ZKSCAN4: variants seen among roughly 807,000 people sequenced by gnomAD.
ZKSCAN4 encodes zinc finger protein with KRAB and SCAN domains 4.
ZKSCAN4 carries 23 observed loss-of-function variants against 30.8 expected under a neutral mutation model. The ratio of observed to expected loss-of-function variants is 0.75; its 90% CI spans 0.54 to 1.06. The LOEUF (loss-of-function observed/expected upper bound fraction) is 1.06. Among genes scored for constraint, ZKSCAN4 ranks in the 50% least tolerant of loss-of-function variants. ZKSCAN4 has a pLI of 0.00. For synonymous variants in ZKSCAN4, 208 were observed against 252.5 expected (o/e 0.82, Z 1.67); for missense variants, 556 against 665.4 (o/e 0.84, Z 1.81).
chr6:28,251,514 G>T lies in ZKSCAN4; in HGVS notation c.423+44C>A, dbSNP rs748279747. 1.2e-5 allele frequency: 19 copies of T among 1,614,028 alleles called. No individual in the cohort carries two copies. The East Asian group carries it at 3.8e-4, about 32-fold the overall frequency. ...CTCGCTCCGATCTGGGATTTCAGGAGGAAACAGACCACAGCGCTCAGATAC... is the reference window on the plus strand; with the variant it reads ...CTCGCTCCGATCTGGGATTTCAGGATGAAACAGACCACAGCGCTCAGATAC... On this transcript the variant is annotated intron_variant, in intron 1 of 4. Transcript: ENST00000377294. This position sits in a 1 kb window ranked among gnomAD's most constrained non-coding sequence, Gnocchi z 4.5.
upstream of ZKSCAN4, among the ~76,000 whole-genome samples, chr6:28,253,166 G>C (rs1761079892): frequency 6.6e-6 from 1 of 152,206 alleles, no homozygotes; most frequent in Non-Finnish European, 1.5e-5. The surrounding 1 kb of genome is among the most constrained non-coding windows in gnomAD (Gnocchi z 4.2). Flanking sequence ...TCCTATAATA[G>C]AAGAAAGCCC....
At chr6:28,254,056 A>T (rs1761107312), upstream of ZKSCAN4, among the ~76,000 whole-genome samples, 1 of 152,240 alleles carries the variant, frequency 6.6e-6, no homozygotes, top group South Asian at 2.1e-4. Flanking sequence ...GACATTCTAT[A>T]GAACAGAATG....
chr6:28,255,486 C>A (rs1761149659), upstream of ZKSCAN4, among the ~76,000 whole-genome samples: 2 of 152,182 alleles, frequency 1.3e-5, no homozygotes, highest in South Asian at 4.1e-4. Flanking sequence ...ATTTCTTTAA[C>A]CTTGTCATAA....
Position 28,243,613 on chromosome 6 carries a change from A to G in ZKSCAN4, c.*1503T>C, listed in dbSNP as rs1466168366. 6.6e-6 allele frequency among the ~76,000 whole-genome samples: 1 copy of G among 151,970 alleles called. No individual in the cohort carries two copies. Among genetic ancestry groups the G allele is most frequent in the Non-Finnish European group, 1.5e-5 (1 of 67,988 alleles). On this transcript the variant is annotated 3_prime_UTR_variant, in exon 5 of 5. Coordinates refer to ENST00000377294, the MANE Select transcript of ZKSCAN4 (RefSeq NM_019110.5). Reference sequence around the variant, plus strand: ...CTTTGGATATTGTACAATCTTTTTCATCAGATACCTAGGATTCCCAATGTG... The same window carrying G: ...CTTTGGATATTGTACAATCTTTTTCGTCAGATACCTAGGATTCCCAATGTG...
the ZKSCAN4 span, among the ~76,000 whole-genome samples, chr6:28,257,731 C>T: frequency 6.6e-6 from 1 of 152,126 alleles, no homozygotes; most frequent in Admixed American, 6.5e-5. Context: ...AAAAGGATTG[C>T]CAGCCCCTAG....
rs893353380 is a variant in ZKSCAN4, at chr6:28,251,138, G to C, written c.423+420C>G. 2.6e-5 allele frequency among the ~76,000 whole-genome samples: 4 copies of C among 152,124 alleles called. No individual in the cohort carries two copies. Among genetic ancestry groups the C allele is most frequent in the Non-Finnish European group, 5.9e-5 (4 of 68,020 alleles). On this transcript the variant is annotated intron_variant, in intron 1 of 4. Transcript: ENST00000377294. This position sits in a 1 kb window ranked among gnomAD's most constrained non-coding sequence, Gnocchi z 4.5. ...TGAATGGAAGCAACAAATCAAGGTA[G>C]CATAAGCAGTACCCAGGACTTTGTC...
chr6:28,257,554 TA>T, the ZKSCAN4 span, among the ~76,000 whole-genome samples: 12 of 151,132 alleles, frequency 7.9e-5, no homozygotes, highest in Admixed American at 5.3e-4. Flanking sequence ...TAATAAAAAT[TA>T]AAAAAAAACA....
At chr6:28,246,442 A>G (rs1760736720) in intron 4 of ZKSCAN4, among the ~76,000 whole-genome samples, 1 of 152,144 alleles carries the variant, frequency 6.6e-6, no homozygotes, top group Non-Finnish European at 1.5e-5. Flanking sequence ...GCCCAGGCAG[A>G]GGCAAAGTTC....
chr6:28,259,201 ACG>A, the ZKSCAN4 span: 1 of 572,306 alleles, frequency 1.7e-6, no homozygotes, highest in Admixed American at 3.2e-5. Flanking sequence ...AGAAGCCTTC[ACG>A]CAGCCAAGGC....
chr6:28,246,872 A>G, intron 4 of ZKSCAN4, 97 bp downstream of exon 4: 1 of 1,399,422 alleles, frequency 7.1e-7, no homozygotes, highest in South Asian at 1.6e-5. Flanking sequence ...TCTGAATCCA[A>G]ACATAATGGG....
upstream of ZKSCAN4, among the ~76,000 whole-genome samples, chr6:28,255,634 A>G (rs1242172679): frequency 6.6e-6 from 1 of 152,120 alleles, no homozygotes; most frequent in African/African-American, 2.4e-5. Context: ...TTCTCTGAAA[A>G]CTGGCCAAAT....
Position 28,245,434 on chromosome 6 carries a change from G to T in ZKSCAN4, c.1320C>A (p.Ala440=). 8.7e-6 allele frequency: 14 copies of T among 1,614,198 alleles called. No individual in the cohort carries two copies. The highest frequency in any genetic ancestry group is 1.2e-5 in the Non-Finnish European group (14 of 1,180,044). Residue 440 remains alanine, a synonymous_variant, in exon 5 of 5, where the codon GCC becomes GCA. Transcript: ENST00000377294. ...TCAGGAGATGTGAATTCCGCCTAAA[G>T]GCTTTGCCACACATATTGCACTGGT... ...KPYQCNMCGK[A]FRRNSHLLRH... is the part of the protein sequence containing the mutation.
At chr6:28,254,607 C>T (rs1761129108), upstream of ZKSCAN4, among the ~76,000 whole-genome samples, 1 of 152,224 alleles carries the variant, frequency 6.6e-6, no homozygotes, top group South Asian at 2.1e-4. Context: ...TGCAGAAGGG[C>T]AGTGGTCCAT....
At position 28,249,166 on chromosome 6, in the gene ZKSCAN4, A is replaced by T. The variant is rs1581584692; in HGVS notation, c.571+521T>A. ...CCTATTAAGTGATTTTCACTCTTCT[A>T]GTCACAGGCTTTACAGGGTTTAGAT... On this transcript the variant is annotated intron_variant, in intron 2 of 4. Transcript: ENST00000377294. The surrounding 1 kb of genome is among the most constrained non-coding windows in gnomAD (Gnocchi z 4.1). Among the ~76,000 whole-genome samples the T allele has an allele frequency of 1.3e-5, 2 of 152,212 alleles. No individual in the cohort carries two copies. The highest frequency in any genetic ancestry group is 4.8e-5 in the African/African-American group (2 of 41,450).
rs111419901 is a variant in ZKSCAN4 at position 28,244,589 on chromosome 6, A to G, written c.*527T>C. ...AATAATACATAAATTCAAATGGCAT[A>G]AGTTAGAAATTTCTCAGAAATATAG... On this transcript the variant is annotated 3_prime_UTR_variant, in exon 5 of 5. Coordinates refer to ENST00000377294, the MANE Select transcript of ZKSCAN4 (RefSeq NM_019110.5). The G allele has an allele frequency of 3.9e-3, 669 of 171,722 alleles. 8 individuals carry two copies. Among genetic ancestry groups the G allele is most frequent in the African/African-American group, 0.014 (575 of 41,772 alleles). The allele number at this position is 171,722 out of a possible 1,614,324, so 10.6% of individuals were successfully genotyped here.
chr6:28,247,773 T>G (rs1314213471), intron 3 of ZKSCAN4, among the ~76,000 whole-genome samples: 2 of 152,170 alleles, frequency 1.3e-5, no homozygotes, highest in Non-Finnish European at 2.9e-5. Flanking sequence ...GGAACTGCCC[T>G]TGTTGAAGGA....
At chr6:28,247,168 A>G in intron 3 of ZKSCAN4, 76 bp from the exon 4 acceptor site, 1 of 1,461,552 alleles carries the variant, frequency 6.8e-7, no homozygotes. Context: ...CATCCCCTTT[A>G]AAGAGGCTCT....
In ZKSCAN4 at chr6:28,243,633, A is replaced by G. The variant is rs763744451; in HGVS notation, c.*1483T>C. The stretch of plus-strand genomic sequence containing the variant: ...TTTTCATCAGATACCTAGGATTCCC[A>G]ATGTGCTTCTGAACAGACACATTTT... On this transcript the variant is annotated 3_prime_UTR_variant, in exon 5 of 5. Transcript: ENST00000377294. Among the ~76,000 whole-genome samples, 24 of 151,976 alleles carry G rather than the reference A, an allele frequency of 1.6e-4. No individual in the cohort carries two copies. Among genetic ancestry groups the G allele is most frequent in the Non-Finnish European group, 2.8e-4 (19 of 67,994 alleles).
In ZKSCAN4 at chr6:28,247,102, T is replaced by C. The variant is rs200573134; in HGVS notation, c.655-10A>G. On this transcript the variant is annotated splice_polypyrimidine_tract_variant and intron_variant, in intron 3 of 4. Coordinates refer to ENST00000377294, the MANE Select transcript of ZKSCAN4 (RefSeq NM_019110.5). ...CCATTTTCAGCAAACCCTAAAACAA[T>C]AGGTAGTCCTAACTAGCTCCTCTTG... The C allele has an allele frequency of 1.0e-5, 16 of 1,598,008 alleles. No homozygotes were observed. The highest frequency in any genetic ancestry group is 1.4e-5 in the Non-Finnish European group (16 of 1,172,310).
Sources: allele counts gnomAD v4.1 joint callset (sites outside exome capture counted in the v4.1 genomes callset), GRCh38; gene constraint gnomAD v4.1.1; non-coding constraint Gnocchi (gnomAD v3.1); transcripts MANE v1.5; gene names NCBI Gene and HGNC (gene_info 2026-07-23, HGNC 2026-07-21).